The following USP31 variants were observed in gnomAD, a reference collection of about 807,000 sequenced individuals.
USP31 encodes the protein ubiquitin specific peptidase 31, also known as ubiquitin carboxyl-terminal hydrolase 31.
Under a neutral mutation model 119.4 loss-of-function variants are expected in USP31, and 44 were observed. The ratio of observed to expected loss-of-function variants is 0.37; its 90% confidence interval spans 0.29 to 0.47. The LOEUF is 0.47. Ranked by LOEUF, USP31 falls within the 20% of genes least tolerant of loss-of-function variation. The probability of loss-of-function intolerance (pLI) is 0.99; values close to 1 mark genes in which losing one functional copy is unlikely to be tolerated. For synonymous variants in USP31, 749 were observed against 705.6 expected (o/e 1.06, Z -0.97); for missense variants, 1,643 against 1,730.2 (o/e 0.95, Z 0.89).
rs1464363200 is a variant in USP31, at chr16:23,084,773, G to A, written c.1830+87C>T. On this transcript the variant is annotated intron_variant, in intron 11 of 15. Coordinates refer to ENST00000219689, the MANE Select transcript of USP31 (RefSeq NM_020718.4). ...ATGCAAAATCCTGCGGCGACTTCTG[G>A]GGCGTGATTTGTTTCTCCACTATCA... 7 of 1,557,888 alleles carry A rather than the reference G, an allele frequency of 4.5e-6. No homozygotes were observed. In the East Asian group the frequency reaches 1.1e-4, roughly 25 times the overall value.
chr16:23,085,147 C>A (rs1424609694), intron 10 of USP31, among the ~76,000 whole-genome samples, 158 bp from the exon 11 acceptor site: 2 of 152,050 alleles, frequency 1.3e-5, no homozygotes, highest in Non-Finnish European at 2.9e-5. Context: ...TTTCTATATT[C>A]CAAAATGTTC....
chr16:23,121,184 T>A (rs1279309700), intron 1 of USP31, among the ~76,000 whole-genome samples: 4 of 152,184 alleles, frequency 2.6e-5, no homozygotes, highest in Non-Finnish European at 5.9e-5. Context: ...CACATCGCCA[T>A]AAACCCAGAG....
intron 1 of USP31, among the ~76,000 whole-genome samples, chr16:23,117,190 A>G (rs1902513869): frequency 6.6e-6 from 1 of 152,224 alleles, no homozygotes; most frequent in Admixed American, 6.5e-5. Context: ...TGATCCTTCC[A>G]GGCACAAGGG....
rs1198354140 is a variant in USP31, at chr16:23,112,707, C to T, written c.634-4524G>A. Among the ~76,000 whole-genome samples, 10 of 152,054 alleles carry T rather than the reference C, an allele frequency of 6.6e-5. No homozygotes were observed. In the East Asian group the frequency reaches 1.9e-3, roughly 29 times the overall value. ...TAGTATGTATAATGGAAGAATGTGA[C>T]CTACAGAAGAGAAGATTTCCTAATT... On this transcript the variant is annotated intron_variant, in intron 1 of 15. Transcript: ENST00000219689.
Position 23,068,282 on chromosome 16 carries a change from G to C in USP31, c.3823C>G (p.His1275Asp). ...NTGDDEAERG[H>D]QPPASQQPNA... is the part of the protein sequence containing the mutation. ...GGCTGCTGGGAAGCTGGAGGCTGGT[G>C]GCCTCTCTCTGCCTCGTCGTCCCCG... The change falls in exon 16 of 16, where the codon CAC becomes GAC. Residue 1275 changes from histidine to aspartate, a missense_variant. Around this residue, in one of 5 missense-constraint regions of USP31, gnomAD observed 699 missense variants for 650.9 expected, o/e 1.07. Coordinates refer to ENST00000219689, the MANE Select transcript of USP31 (RefSeq NM_020718.4). 1.2e-6 allele frequency: 2 copies of C among 1,614,026 alleles called. No individual in the cohort carries two copies. The highest frequency in any genetic ancestry group is 4.5e-5 in the East Asian group (2 of 44,876).
Position 23,082,554 on chromosome 16 carries a change from C to A in USP31, c.1834G>T (p.Ala612Ser). 6.2e-7 allele frequency: 1 copy of A among 1,614,064 alleles called. No individual in the cohort carries two copies. Among genetic ancestry groups the A allele is most frequent in the South Asian group, 1.1e-5 (1 of 91,080 alleles). The change falls in exon 12 of 16, where the codon GCC becomes TCC. Residue 612 changes from alanine (A) to serine (S), a missense_variant. Physicochemically the swap from Ala to Ser is moderately conservative, Grantham distance 99 (BLOSUM62 1). Coordinates refer to ENST00000219689, the MANE Select transcript of USP31 (RefSeq NM_020718.4). Reference protein sequence around the residue: ...FQLYTKEERLAPDDAWRCPHC... With the variant: ...FQLYTKEERLSPDDAWRCPHC... ...GGGCAACGCCAGGCATCATCGGGGG[C>A]AAGCTGAAAACAGAAGCATGACTCC...
At position 23,105,549 on chromosome 16, in the gene USP31, T is replaced by C. The variant is rs1257645928; in HGVS notation, c.981A>G (p.Gln327=). The C allele has an allele frequency of 1.9e-6, 3 of 1,614,110 alleles. No individual in the cohort carries two copies. Among genetic ancestry groups the C allele is most frequent in the East Asian group, 2.2e-5 (1 of 44,884 alleles). The part of the protein sequence containing the change: ...TRPLYVTVVY[Q]GKCSHCMRIG... ...TCCTCATGCAGTGAGAACATTTGCC[T>C]TGATACACTACAGTGACATAGAGAG... is the stretch of plus-strand genomic sequence containing the variant. The change falls in exon 5 of 16, where the codon CAA becomes CAG. Residue 327 remains glutamine (Q), a synonymous_variant. Coordinates refer to ENST00000219689, the MANE Select transcript of USP31 (RefSeq NM_020718.4).
At chr16:23,121,083 TTGCATTTTTATAAC>T (rs1427698330) in intron 1 of USP31, among the ~76,000 whole-genome samples, 1 of 152,232 alleles carries the variant, frequency 6.6e-6, no homozygotes, top group Non-Finnish European at 1.5e-5. Context: ...TATTCTGCTA[TTGCATTTTTATAAC>T]TGCAATATCA....
chr16:23,123,462 T>C (rs1339330287), intron 1 of USP31, among the ~76,000 whole-genome samples: 2 of 151,950 alleles, frequency 1.3e-5, no homozygotes, highest in African/African-American at 2.4e-5. Flanking sequence ...CACTTGAACC[T>C]GGGAGGTGGA....
At chr16:23,071,844 G>A (rs182653527) in intron 15 of USP31, among the ~76,000 whole-genome samples, 108 of 152,256 alleles carry the variant, frequency 7.1e-4, no homozygotes, top group Admixed American at 6.1e-3. Flanking sequence ...AAAGTACTGG[G>A]ACACAGGAAA....
At chr16:23,090,037 A>G (rs780834313) in intron 7 of USP31, among the ~76,000 whole-genome samples, 14 of 152,234 alleles carry the variant, frequency 9.2e-5, no homozygotes, top group Non-Finnish European at 1.6e-4. Context: ...AAATGGGTCT[A>G]GAGCCCCAAG....
rs200449081 is a variant in USP31 at position 23,105,530 on chromosome 16, T to C, written c.1000A>G (p.Met334Val). 7 of 1,614,128 alleles carry C rather than the reference T, an allele frequency of 4.3e-6. No individual in the cohort carries two copies. The highest frequency in any genetic ancestry group is 5.9e-6 in the Non-Finnish European group (7 of 1,180,002). ...AGAGGTACGGCCACACCAATCCTCA[T>C]GCAGTGAGAACATTTGCCTTGATAC... Reference protein sequence around the residue: ...VVYQGKCSHCMRIGVAVPLSG... With the variant: ...VVYQGKCSHCVRIGVAVPLSG... The change falls in exon 5 of 16, where the codon ATG (methionine) becomes GTG (valine). Residue 334 changes from methionine (M) to valine (V), a missense_variant. Physicochemically the swap from Met to Val is conservative, Grantham distance 21. This residue lies in a region of USP31 where 144 missense variants were observed against 218.0 expected (regional missense o/e 0.66). Transcript: ENST00000219689.
chr16:23,134,236 G>A (rs1211444762), intron 1 of USP31, among the ~76,000 whole-genome samples: 2 of 152,076 alleles, frequency 1.3e-5, no homozygotes, highest in Non-Finnish European at 2.9e-5. Context: ...AACAGCACCA[G>A]TAAAAGAATT....
rs758174616 is a variant in USP31 at position 23,149,128 on chromosome 16, G to A, written c.143C>T (p.Ala48Val). The A allele has an allele frequency of 1.6e-6, 2 of 1,252,882 alleles. No homozygotes were observed. Among genetic ancestry groups the A allele is most frequent in the South Asian group, 2.2e-5 (1 of 45,876 alleles). 77.6% of individuals were successfully genotyped at this position (1,252,882 alleles called of 1,614,324 possible). ...AGGPGASGPA[A>V]PSSPSSPSSA... ...GGAGGGCGAGGAGGGCGAGGAAGGC[G>A]CGGCCGGCCCGGACGCCCCGGGGCC... The change falls in exon 1 of 16, where the codon GCG (alanine) becomes GTG (valine). Residue 48 changes from alanine (A) to valine (V), a missense_variant. Ala to Val is a moderately conservative substitution (Grantham distance 64, BLOSUM62 0). Transcript: ENST00000219689.
intron 1 of USP31, among the ~76,000 whole-genome samples, chr16:23,130,517 G>C (rs1902997012): frequency 6.6e-6 from 1 of 152,084 alleles, no homozygotes; most frequent in Admixed American, 6.6e-5. Flanking sequence ...GAAGGCTACT[G>C]CAATTGTGTG....
intron 1 of USP31, among the ~76,000 whole-genome samples, chr16:23,120,692 T>C (rs189413646): frequency 5.9e-5 from 9 of 152,224 alleles, no homozygotes; most frequent in African/African-American, 1.9e-4. Context: ...TAAAAGAAGG[T>C]AGAGGAGGAA....
intron 2 of USP31, 128 bp from the exon 3 acceptor site, chr16:23,106,615 G>T: frequency 1.1e-6 from 1 of 924,002 alleles, no homozygotes; most frequent in Non-Finnish European, 1.6e-6. Context: ...ATACTTCAGT[G>T]ACGGGCACCT....
intron 1 of USP31, among the ~76,000 whole-genome samples, chr16:23,147,900 C>T (rs1315076500): frequency 6.6e-6 from 1 of 152,170 alleles, no homozygotes; most frequent in Non-Finnish European, 1.5e-5. Context: ...CACTGCACTC[C>T]AGCCTGGGCA....
At chr16:23,103,519 T>C (rs1173866511) in intron 5 of USP31, among the ~76,000 whole-genome samples, 5 of 152,218 alleles carry the variant, frequency 3.3e-5, no homozygotes, top group Admixed American at 2.6e-4. Context: ...AAATGGATAC[T>C]ATATAACATA....
Sources: gnomAD v4.1 joint callset for allele counts (sites outside exome capture counted in the v4.1 genomes callset) on GRCh38, gnomAD v4.1.1 for gene constraint, gnomAD v4.1.1 regional missense constraint, MANE v1.5 for transcripts, NCBI Gene and HGNC (gene_info 2026-07-23, HGNC 2026-07-21) for gene names.